Variants in PCDH15 observed in about 807,000 individuals in gnomAD.
PCDH15 encodes the protein protocadherin related 15, also known as protocadherin-15.
PCDH15 carries 129 observed loss-of-function variants against 178.5 expected under a neutral mutation model. The observed-to-expected ratio is 0.72, with a 90% CI of 0.63 to 0.84. The LOEUF (loss-of-function observed/expected upper bound fraction) is 0.84. Ranked by LOEUF, PCDH15 falls within the 40% of genes least tolerant of loss-of-function variation. The probability of loss-of-function intolerance (pLI) is 0.00; values close to 1 mark genes in which losing one functional copy is unlikely to be tolerated. For synonymous variants in PCDH15, 800 were observed against 732.0 expected (o/e 1.09, Z -1.50); for missense variants, 2,230 against 2,099.9 (o/e 1.06, Z -1.21).
intron 2 of PCDH15, among the ~76,000 whole-genome samples, chr10:55,061,623 A>G (rs772679465): frequency 1.3e-4 from 20 of 152,222 alleles, no homozygotes; most frequent in African/African-American, 3.1e-4. Flanking sequence ...ACCTTTATTC[A>G]TAATTACCAA....
chr10:54,415,964 C>A (rs532371080), intron 3 of PCDH15, among the ~76,000 whole-genome samples: 2 of 151,500 alleles, frequency 1.3e-5, no homozygotes, highest in African/African-American at 4.8e-5. Flanking sequence ...TTTAAAAAAT[C>A]GACTTTTTTA....
At chr10:54,014,640 A>T (rs893990560) in intron 20 of PCDH15, among the ~76,000 whole-genome samples, 10 of 152,162 alleles carry the variant, frequency 6.6e-5, no homozygotes, top group African/African-American at 2.4e-4. Context: ...TCACCACAGA[A>T]ACAGGACTAA....
At chr10:55,345,114 T>C (rs1008991027) in intron 2 of PCDH15, among the ~76,000 whole-genome samples, 1 of 151,680 alleles carries the variant, frequency 6.6e-6, no homozygotes, top group Non-Finnish European at 1.5e-5. Flanking sequence ...CTCTCAAATA[T>C]ACTATGTCCT....
At chr10:55,266,225 G>C (rs944813686) in intron 1 of PCDH15, among the ~76,000 whole-genome samples, 145 of 151,198 alleles carry the variant, frequency 9.6e-4, no homozygotes, top group African/African-American at 3.4e-3. Flanking sequence ...CTCATGCCTA[G>C]AAGCCATAAA....
intron 2 of PCDH15, among the ~76,000 whole-genome samples, chr10:55,061,639 G>T (rs1232335296): frequency 6.6e-6 from 1 of 152,166 alleles, no homozygotes; most frequent in Non-Finnish European, 1.5e-5. Context: ...ACCAAAATGT[G>T]GAAGCAACCA....
At chr10:54,303,186 A>C (rs1159097114) in intron 8 of PCDH15, among the ~76,000 whole-genome samples, 1 of 152,152 alleles carries the variant, frequency 6.6e-6, no homozygotes, top group African/African-American at 2.4e-5. Flanking sequence ...TTACAAGGGC[A>C]ATTATCACTC....
intron 4 of PCDH15, among the ~76,000 whole-genome samples, chr10:54,372,892 A>C (rs1947880086): frequency 6.6e-6 from 1 of 151,856 alleles, no homozygotes; most frequent in Non-Finnish European, 1.5e-5. Flanking sequence ...TGTATAGGTT[A>C]TGATATGTGT....
intron 15 of PCDH15, among the ~76,000 whole-genome samples, chr10:54,110,279 G>T (rs1244854905): frequency 6.7e-6 from 1 of 148,348 alleles, no homozygotes; most frequent in African/African-American, 2.5e-5. Flanking sequence ...TAAGAAGCAG[G>T]TTTCCTATCA....
At chr10:55,341,795 ATATATATATATTTTTTTTTTTTTTTTTT>A (rs1565032309) in intron 2 of PCDH15, among the ~76,000 whole-genome samples, 5 of 11,276 alleles carry the variant, frequency 4.4e-4, no homozygotes, top group Non-Finnish European at 8.7e-4. Flanking sequence ...ATATATATAT[ATATATATATATTTTTTTTTTTTTTTTTT>A]TTTTTTTTAG....
At chr10:53,809,211 C>T (rs531574437) in intron 37 of PCDH15, 11 of 1,613,818 alleles carry the variant, frequency 6.8e-6, no homozygotes, top group East Asian at 4.5e-5. Flanking sequence ...TGAACTCAGA[C>T]TCTTCTTCAC....
chr10:54,217,936 A>G (rs1173903712), intron 9 of PCDH15, among the ~76,000 whole-genome samples: 1 of 152,150 alleles, frequency 6.6e-6, no homozygotes. Flanking sequence ...TTTGTTTTTT[A>G]AGCTAAAGAT....
At chr10:55,538,952 TTCCTTTCCTTCCTTCCTTCC>T (rs72012177) in intron 2 of PCDH15, among the ~76,000 whole-genome samples, 4,304 of 16,722 alleles carry the variant, frequency 0.26, 1,418 homozygotes, top group Non-Finnish European at 0.35. Context: ...CCTCCCTTCC[TTCCTTTCCTTCCTTCCTTCC>T]TCCTTTCCTT....
chr10:55,529,825 T>C (rs979053447), intron 2 of PCDH15, among the ~76,000 whole-genome samples: 2 of 144,376 alleles, frequency 1.4e-5, no homozygotes, highest in Admixed American at 1.4e-4. Context: ...CCTAAAAGTG[T>C]GCCAGAATTA....
At chr10:54,063,952 G>T (rs1565163537) in intron 18 of PCDH15, among the ~76,000 whole-genome samples, 1 of 152,212 alleles carries the variant, frequency 6.6e-6, no homozygotes. Flanking sequence ...CACATGGTGA[G>T]GGGGGTGGCA....
chr10:55,207,513 T>C (rs572017238), intron 1 of PCDH15, among the ~76,000 whole-genome samples: 1 of 152,284 alleles, frequency 6.6e-6, no homozygotes, highest in African/African-American at 2.4e-5. Flanking sequence ...TAATGCCGAA[T>C]TTCTGATAGA....
chr10:54,853,086 C>A (rs1254391892), intron 3 of PCDH15, among the ~76,000 whole-genome samples: 1 of 150,028 alleles, frequency 6.7e-6, no homozygotes, highest in Admixed American at 6.7e-5. Context: ...TGTGGAGAAA[C>A]CCCATCTCTA....
rs749897896 is a variant in PCDH15, at chr10:53,866,863, C to T, written c.3502-6G>A. ...CCAGTATCTTTATCAGTAGCCTAGA[C>T]GGAGGGGAAAAAAAAAGAGATTATA... is the stretch of plus-strand genomic sequence containing the variant. On this transcript the variant is annotated splice_polypyrimidine_tract_variant and splice_region_variant and intron_variant, in intron 26 of 37. Transcript: ENST00000644397. The T allele has an allele frequency of 9.6e-5, 150 of 1,560,462 alleles. No individual in the cohort carries two copies. Among genetic ancestry groups the T allele is most frequent in the Admixed American group, 6.9e-4 (40 of 57,920 alleles).
intron 9 of PCDH15, among the ~76,000 whole-genome samples, chr10:54,227,085 G>C (rs1309733619): frequency 2.0e-5 from 3 of 152,126 alleles, no homozygotes; most frequent in African/African-American, 7.2e-5. Flanking sequence ...TACCATTCTG[G>C]GGTCTGTAAA....
chr10:55,153,816 A>T (rs1838803770), intron 2 of PCDH15, among the ~76,000 whole-genome samples: 1 of 152,170 alleles, frequency 6.6e-6, no homozygotes, highest in Non-Finnish European at 1.5e-5. Context: ...GCCACTTTAG[A>T]GCCTAAATGT....
Sources: allele counts gnomAD v4.1 joint callset (sites outside exome capture counted in the v4.1 genomes callset), GRCh38; gene constraint gnomAD v4.1.1; transcripts MANE v1.5; gene names NCBI Gene and HGNC (gene_info 2026-07-23, HGNC 2026-07-21).